PPP3R1: variants seen among roughly 807,000 people sequenced by gnomAD.
The protein encoded by PPP3R1 is protein phosphatase 3 regulatory subunit B, alpha, also known as calcineurin subunit B type 1.
In PPP3R1, 5 loss-of-function variants were observed where a neutral mutation model predicts 22.6. That is an observed-to-expected ratio of 0.22 (90% CI 0.12 to 0.46). The LOEUF (loss-of-function observed/expected upper bound fraction) is 0.46, where lower values mean the gene tolerates loss of function less well. Among genes scored for constraint, PPP3R1 ranks in the 20% least tolerant of loss-of-function variants. PPP3R1 has a pLI of 0.99. For synonymous variants in PPP3R1, 56 were observed against 65.2 expected, an observed-to-expected ratio of 0.86 and a Z score of 0.68; for missense variants, 61 against 203.2, an observed-to-expected ratio of 0.30 and a Z score of 4.25.
At chr2:68,205,799 G>T (rs1414555142) in intron 2 of PPP3R1, among the ~76,000 whole-genome samples, 1 of 151,872 alleles carries the variant, frequency 6.6e-6, no homozygotes, top group Non-Finnish European at 1.5e-5. Flanking sequence ...CAGAAATAAG[G>T]AAATAAAGGT....
At chr2:68,182,659 A>T (rs1347350709) in intron 5 of PPP3R1, among the ~76,000 whole-genome samples, 1 of 12,146 alleles carries the variant, frequency 8.2e-5, no homozygotes, top group Non-Finnish European at 1.2e-4. Flanking sequence ...CTAATACTTA[A>T]AAAAAAAAAA....
chr2:68,226,416 C>T (rs1558639503), intron 1 of PPP3R1, among the ~76,000 whole-genome samples: 3 of 152,160 alleles, frequency 2.0e-5, no homozygotes. Flanking sequence ...ATTTTAGTCT[C>T]CAGTTTAGAA....
intron 2 of PPP3R1, among the ~76,000 whole-genome samples, chr2:68,209,358 CAAAAAAAAAAAAAAAAAAA>C (rs777851469): frequency 4.8e-5 from 2 of 41,680 alleles, no homozygotes; most frequent in South Asian, 1.4e-3. Context: ...GACTCTGTCT[CAAAAAAAAAAAAAAAAAAA>C]AAAAAAAAAA....
chr2:68,213,462 T>C (rs1245110731), intron 2 of PPP3R1, among the ~76,000 whole-genome samples: 2 of 152,190 alleles, frequency 1.3e-5, no homozygotes, highest in African/African-American at 2.4e-5. Flanking sequence ...ACAACTGGAC[T>C]AAGTTCACCA....
intron 2 of PPP3R1, among the ~76,000 whole-genome samples, chr2:68,189,996 A>C (rs1377639024): frequency 6.6e-6 from 1 of 152,066 alleles, no homozygotes; most frequent in East Asian, 1.9e-4. Flanking sequence ...GTACAAATAC[A>C]AGCTGTTTTG....
At chr2:68,182,806 ACT>A (rs749057069) in intron 5 of PPP3R1, among the ~76,000 whole-genome samples, 39 of 151,690 alleles carry the variant, frequency 2.6e-4, no homozygotes, top group Middle Eastern at 3.4e-3. Flanking sequence ...TATTATGATT[ACT>A]TTTTCTTTCC....
intron 1 of PPP3R1, among the ~76,000 whole-genome samples, chr2:68,241,423 A>G (rs559967967): frequency 7.2e-5 from 11 of 152,198 alleles, no homozygotes; most frequent in Admixed American, 4.6e-4. Context: ...CTTTATATAC[A>G]TATGTACTGC....
rs570830213 is a variant in PPP3R1, at chr2:68,244,801, A to T, written c.3+7324T>A. Among the ~76,000 whole-genome samples, 5 of 152,270 alleles carry T rather than the reference A, an allele frequency of 3.3e-5. No individual in the cohort carries two copies. The South Asian group carries it at 8.3e-4, about 25-fold the overall frequency. ...TGACACTCACTGCCTTCAATGTCCG[A>T]TAAGCACCTTTTCCTTTATTCCACT... On this transcript the variant is annotated intron_variant, in intron 1 of 5. Transcript: ENST00000234310.
chr2:68,233,973 T>A (rs1258103730), intron 1 of PPP3R1, among the ~76,000 whole-genome samples: 1 of 152,226 alleles, frequency 6.6e-6, no homozygotes, highest in African/African-American at 2.4e-5. Flanking sequence ...ATTTACATGC[T>A]GAGCACTCTA....
At chr2:68,251,849 C>A (rs559471274) in intron 1 of PPP3R1, among the ~76,000 whole-genome samples, 1 of 123,496 alleles carries the variant, frequency 8.1e-6, no homozygotes, top group South Asian at 2.6e-4. Flanking sequence ...GGACCGGCGG[C>A]GCGGGGGTGG....
At chr2:68,215,417 C>T (rs1669561935) in intron 2 of PPP3R1, among the ~76,000 whole-genome samples, 1 of 152,132 alleles carries the variant, frequency 6.6e-6, no homozygotes, top group African/African-American at 2.4e-5. Context: ...AAGGAAGCCG[C>T]ATAGTAAATT....
chr2:68,229,857 GGTGTGTGTGT>G (rs371523620), intron 1 of PPP3R1, among the ~76,000 whole-genome samples: 1 of 149,300 alleles, frequency 6.7e-6, no homozygotes, highest in African/African-American at 2.5e-5. Flanking sequence ...ATGTTTAATT[GGTGTGTGTGT>G]GTGTGTGTAT....
In PPP3R1 at chr2:68,181,019, G is replaced by C. The variant is rs1674388509; in HGVS notation, c.466-9C>G. ...TCTAGGCCACCTACAACCTGCAACA[G>C]ACAGGAACAAATCAAGCTTCACAGT... is the stretch of plus-strand genomic sequence containing the variant. On this transcript the variant is annotated splice_polypyrimidine_tract_variant and intron_variant, in intron 5 of 5. Coordinates refer to ENST00000234310, the MANE Select transcript of PPP3R1 (RefSeq NM_000945.4). 1 of 1,611,716 alleles carries C rather than the reference G, an allele frequency of 6.2e-7. No homozygotes were observed. The highest frequency in any genetic ancestry group is 8.5e-7 in the Non-Finnish European group (1 of 1,177,868).
At chr2:68,224,648 A>T (rs1301496775) in intron 1 of PPP3R1, among the ~76,000 whole-genome samples, 2 of 151,348 alleles carry the variant, frequency 1.3e-5, no homozygotes, top group Non-Finnish European at 2.9e-5. Context: ...TCGGCAGCAG[A>T]GCAAGACTCG....
intron 2 of PPP3R1, among the ~76,000 whole-genome samples, chr2:68,191,610 C>T (rs1674670729): frequency 6.6e-6 from 1 of 152,156 alleles, no homozygotes; most frequent in Non-Finnish European, 1.5e-5. Context: ...TGTTAAGTGA[C>T]ACATGACTGT....
At chr2:68,232,112 T>A (rs796239913) in intron 1 of PPP3R1, among the ~76,000 whole-genome samples, 14,273 of 88,996 alleles carry the variant, frequency 0.16, 1,721 homozygotes, top group East Asian at 0.42. Context: ...AAAAAAAATA[T>A]ATATATATAT....
intron 1 of PPP3R1, among the ~76,000 whole-genome samples, chr2:68,248,680 C>A (rs928348370): frequency 7.9e-5 from 12 of 152,160 alleles, no homozygotes; most frequent in African/African-American, 2.4e-4. Context: ...GTCTCTTCCT[C>A]CCTTTAGGAT....
rs1401401209 is a variant in PPP3R1 at position 68,202,478 on chromosome 2, GC to G, written c.44-13789del. Among the ~76,000 whole-genome samples, 6 of 152,092 alleles carry G rather than the reference GC, an allele frequency of 3.9e-5. No individual in the cohort carries two copies. The South Asian group carries it at 6.2e-4, about 16-fold the overall frequency. ...CTCGCTCTGTCTCCCACGCTGGAGTGCAATGACACAGACTCGGCTCACTGCA... is the reference window on the plus strand; with the variant it reads ...CTCGCTCTGTCTCCCACGCTGGAGTGAATGACACAGACTCGGCTCACTGCA... On this transcript the variant is annotated intron_variant, in intron 2 of 5. Transcript: ENST00000234310.
intron 5 of PPP3R1, among the ~76,000 whole-genome samples, chr2:68,185,805 A>C (rs1445563034): frequency 6.6e-6 from 1 of 152,068 alleles, no homozygotes; most frequent in East Asian, 1.9e-4. Flanking sequence ...TTCCAAAAAA[A>C]GACGCAGTCT....
Sources: allele counts gnomAD v4.1 joint callset (sites outside exome capture counted in the v4.1 genomes callset), GRCh38; gene constraint gnomAD v4.1.1; transcripts MANE v1.5; gene names NCBI Gene and HGNC (gene_info 2026-07-23, HGNC 2026-07-21).